The following TYR variants were observed in gnomAD, a reference collection of about 807,000 sequenced individuals.
TYR encodes the protein LB24-AB.
A neutral mutation model predicts 51.5 loss-of-function variants in TYR; 58 were observed. The observed-to-expected ratio is 1.13, with a 90% confidence interval of 0.91 to 1.40. TYR has a LOEUF of 1.40. TYR is among the 40% of genes most tolerant of loss of function. The pLI is 0.00. For synonymous variants in TYR, 263 were observed against 235.2 expected (o/e 1.12, Z -1.08); for missense variants, 732 against 647.4 (o/e 1.13, Z -1.42).
At chr11:89,243,503 A>C (rs1468917041) in intron 3 of TYR, among the ~76,000 whole-genome samples, 1 of 152,200 alleles carries the variant, frequency 6.6e-6, no homozygotes, top group Non-Finnish European at 1.5e-5. Context: ...TGTCAAGCTT[A>C]AGACATTGTA....
rs143334222 is a variant in TYR at position 89,208,824 on chromosome 11, C to A, written c.1036+17406C>A. Among the ~76,000 whole-genome samples, 7 of 152,272 alleles carry A rather than the reference C, an allele frequency of 4.6e-5. No homozygotes were observed. In the East Asian group the frequency reaches 1.4e-3, roughly 29 times the overall value. ...ATTTATCCACCAGCATTAGCAATTG[C>A]TTATTTTTGTTGCTTACTTTATAAA... On this transcript the variant is annotated intron_variant, in intron 2 of 4. Transcript: ENST00000263321.
intron 3 of TYR, among the ~76,000 whole-genome samples, chr11:89,233,931 C>T (rs537130796): frequency 7.7e-5 from 11 of 143,196 alleles, no homozygotes; most frequent in East Asian, 2.0e-4. Flanking sequence ...GCTGCATTAG[C>T]CCCTAGCAAG....
chr11:89,257,282 C>T (rs1262493312), intron 3 of TYR, among the ~76,000 whole-genome samples: 1 of 151,916 alleles, frequency 6.6e-6, no homozygotes, highest in East Asian at 1.9e-4. Context: ...GTCTATCAGG[C>T]ATTGATACAC....
At chr11:89,231,839 G>A (rs1416671885) in intron 3 of TYR, among the ~76,000 whole-genome samples, 2 of 140,432 alleles carry the variant, frequency 1.4e-5, no homozygotes, top group African/African-American at 2.9e-5. Context: ...CAAAAATTTC[G>A]CCAGGCATGG....
chr11:89,245,982 G>A (rs548682094), intron 3 of TYR, among the ~76,000 whole-genome samples: 2 of 152,030 alleles, frequency 1.3e-5, no homozygotes, highest in South Asian at 4.2e-4. Context: ...CAAACAGTGG[G>A]CCAAAATTTA....
chr11:89,280,208 G>A (rs377334191), intron 3 of TYR, among the ~76,000 whole-genome samples: 4 of 151,594 alleles, frequency 2.6e-5, no homozygotes, highest in Admixed American at 6.6e-5. Context: ...AGAACCTGCC[G>A]TTTCTTCGAG....
chr11:89,272,395 T>C (rs75936104), intron 3 of TYR, among the ~76,000 whole-genome samples: 1 of 133,484 alleles, frequency 7.5e-6, no homozygotes, highest in African/African-American at 3.3e-5. Context: ...GAATGAAATC[T>C]TTTTTTTTTT....
intron 1 of TYR, among the ~76,000 whole-genome samples, chr11:89,183,808 A>G (rs1943332341): frequency 1.3e-5 from 2 of 152,256 alleles, no homozygotes; most frequent in South Asian, 4.1e-4. Context: ...ACCCAAAGTT[A>G]AAAACAATTT....
At chr11:89,192,583 C>T (rs1157718183) in intron 2 of TYR, among the ~76,000 whole-genome samples, 7 of 151,900 alleles carry the variant, frequency 4.6e-5, no homozygotes, top group Non-Finnish European at 2.9e-5. Context: ...TCATTCATTT[C>T]CCTGTTTTAT....
intron 4 of TYR, among the ~76,000 whole-genome samples, chr11:89,286,642 T>C (rs1407404249): frequency 6.6e-6 from 1 of 151,792 alleles, no homozygotes; most frequent in Non-Finnish European, 1.5e-5. Context: ...TGAGGGATGA[T>C]TAATTGAAAA....
chr11:89,212,810 A>G (rs1052767139), intron 2 of TYR, among the ~76,000 whole-genome samples: 1 of 152,230 alleles, frequency 6.6e-6, no homozygotes, highest in Non-Finnish European at 1.5e-5. Context: ...ATGTAAATCC[A>G]TCACATAAAC....
At chr11:89,241,223 G>T (rs1228469529) in intron 3 of TYR, among the ~76,000 whole-genome samples, 2 of 152,174 alleles carry the variant, frequency 1.3e-5, no homozygotes, top group Non-Finnish European at 2.9e-5. Flanking sequence ...CAGGTCTTGT[G>T]ACAGAAATTT....
At chr11:89,258,157 A>G (rs1944416815) in intron 3 of TYR, among the ~76,000 whole-genome samples, 1 of 152,016 alleles carries the variant, frequency 6.6e-6, no homozygotes, top group South Asian at 2.1e-4. Context: ...TGAAAGGCGG[A>G]AAATTTTCTT....
At chr11:89,196,355 A>T (rs1030207298) in intron 2 of TYR, among the ~76,000 whole-genome samples, 1 of 152,158 alleles carries the variant, frequency 6.6e-6, no homozygotes, top group African/African-American at 2.4e-5. Flanking sequence ...GACAGATAGG[A>T]TTTCAGGACA....
At chr11:89,213,352 A>G (rs1023228134) in intron 2 of TYR, among the ~76,000 whole-genome samples, 2 of 152,310 alleles carry the variant, frequency 1.3e-5, no homozygotes, top group Non-Finnish European at 2.9e-5. Flanking sequence ...TATAAAGAGA[A>G]TAAAATACCT....
At chr11:89,271,090 C>T (rs916801346) in intron 3 of TYR, among the ~76,000 whole-genome samples, 21 of 151,616 alleles carry the variant, frequency 1.4e-4, no homozygotes, top group African/African-American at 4.6e-4. Context: ...TTAAAGAACC[C>T]CTATGGAAGA....
intron 4 of TYR, among the ~76,000 whole-genome samples, chr11:89,290,212 A>T (rs561987164): frequency 6.6e-6 from 1 of 152,166 alleles, no homozygotes; most frequent in South Asian, 2.1e-4. Flanking sequence ...GACAGAACAA[A>T]AAGGTGCACT....
intron 2 of TYR, among the ~76,000 whole-genome samples, chr11:89,211,826 A>T (rs1290023236): frequency 6.6e-6 from 1 of 152,216 alleles, no homozygotes; most frequent in Non-Finnish European, 1.5e-5. Context: ...TGGAAACTGA[A>T]CAACCTGCTC....
chr11:89,194,130 T>C (rs1019832023), intron 2 of TYR, among the ~76,000 whole-genome samples: 12 of 152,196 alleles, frequency 7.9e-5, no homozygotes, highest in South Asian at 2.1e-4. Context: ...TAGGATCAAA[T>C]AGCATTTAGT....
Sources: gnomAD v4.1 joint callset for allele counts (sites outside exome capture counted in the v4.1 genomes callset) on GRCh38, gnomAD v4.1.1 for gene constraint, MANE v1.5 for transcripts, NCBI Gene and HGNC (gene_info 2026-07-23, HGNC 2026-07-21) for gene names.